The following ATG10 variants were observed in gnomAD, a reference collection of about 807,000 sequenced individuals.
The protein encoded by ATG10 is autophagy related 10, also known as ubiquitin-like-conjugating enzyme ATG10.
Under a neutral mutation model 32.1 loss-of-function variants are expected in ATG10, and 30 were observed. That is an observed-to-expected ratio of 0.94 (90% CI 0.70 to 1.27). The LOEUF is 1.27. ATG10 is among the 50% of genes most tolerant of loss of function. ATG10 has a pLI of 0.00. For synonymous variants in ATG10, 87 were observed against 91.5 expected, an observed-to-expected ratio of 0.95 and a Z score of 0.28; for missense variants, 233 against 262.3, an observed-to-expected ratio of 0.89 and a Z score of 0.77.
rs181172255 is a variant in ATG10, at chr5:82,085,366, C to G, written c.216+26764C>G. ...AGAGACCTACAAAGAGACTTAGACTCCCACACAATAATAATGGGAGACTTT... is the reference window on the plus strand; with the variant it reads ...AGAGACCTACAAAGAGACTTAGACTGCCACACAATAATAATGGGAGACTTT... On this transcript the variant is annotated intron_variant, in intron 3 of 7. Transcript: ENST00000282185. 7.8e-4 allele frequency among the ~76,000 whole-genome samples: 118 copies of G among 152,042 alleles called. 1 individual carries two copies. The East Asian group carries it at 0.022, about 28-fold the overall frequency.
intron 2 of ATG10, among the ~76,000 whole-genome samples, chr5:81,989,360 G>A (rs1338587403): frequency 1.3e-5 from 2 of 152,112 alleles, no homozygotes; most frequent in Non-Finnish European, 2.9e-5. Context: ...TGTCACTGGG[G>A]AAACAAGCCA....
At chr5:82,111,606 A>G (rs1765624303) in intron 3 of ATG10, among the ~76,000 whole-genome samples, 1 of 151,978 alleles carries the variant, frequency 6.6e-6, no homozygotes, top group Admixed American at 6.6e-5. Flanking sequence ...AACATAAGAA[A>G]ATGAATTAAA....
intron 5 of ATG10, among the ~76,000 whole-genome samples, chr5:82,251,327 G>C (rs566547993): frequency 1.3e-5 from 2 of 152,328 alleles, no homozygotes; most frequent in East Asian, 3.9e-4. Context: ...GGTTGGCTGA[G>C]AGAAGAAGCC....
intron 1 of ATG10, among the ~76,000 whole-genome samples, chr5:81,976,027 GTC>G (rs1760863943): frequency 1.3e-5 from 2 of 149,138 alleles, no homozygotes; most frequent in Admixed American, 1.3e-4. Context: ...TTGAGATGGA[GTC>G]TCACTCTGTC....
intron 3 of ATG10, among the ~76,000 whole-genome samples, chr5:82,100,009 T>TG (rs1765210027): frequency 7.8e-6 from 1 of 127,748 alleles, no homozygotes. Flanking sequence ...TGTTTTTTTT[T>TG]TTTTTTTTTT....
intron 6 of ATG10, among the ~76,000 whole-genome samples, chr5:82,252,922 A>G (rs979902007): frequency 6.6e-6 from 1 of 152,198 alleles, no homozygotes; most frequent in Admixed American, 6.5e-5. Context: ...GAGTTAAGCC[A>G]CTCAAACAAG....
At chr5:82,058,367 A>T in intron 2 of ATG10, 128 bp from the exon 3 acceptor site, 1 of 658,836 alleles carries the variant, frequency 1.5e-6, no homozygotes, top group Non-Finnish European at 2.7e-6. Context: ...CTCTTTATCC[A>T]TATAGTCTCA....
Position 81,987,579 on chromosome 5 carries a change from A to G in ATG10, c.9A>G (p.Glu3=). Residue 3 remains glutamate (E), a synonymous_variant, in exon 2 of 8, where the codon GAA becomes GAG. Transcript: ENST00000282185. The stretch of plus-strand genomic sequence containing the variant: ...TGCAGTTATCATTTAACATGGAAGA[A>G]GATGAGTTCATTGGAGAAAAAACAT... ME[E]DEFIGEKTFQ... 6.2e-7 allele frequency: 1 copy of G among 1,606,366 alleles called. No homozygotes were observed. Among genetic ancestry groups the G allele is most frequent in the Non-Finnish European group, 8.5e-7 (1 of 1,175,512 alleles).
At chr5:82,073,281 T>G (rs564926905) in intron 3 of ATG10, 2 of 152,198 alleles carry the variant, frequency 1.3e-5, no homozygotes, top group Non-Finnish European at 2.9e-5. Flanking sequence ...TTTTGTTTTT[T>G]AAAAATGCTG....
At chr5:82,086,442 T>C (rs1764696769) in intron 3 of ATG10, among the ~76,000 whole-genome samples, 1 of 152,136 alleles carries the variant, frequency 6.6e-6, no homozygotes, top group Non-Finnish European at 1.5e-5. Flanking sequence ...GGCACCTCAG[T>C]TGGGATGAGT....
At chr5:82,153,042 A>T (rs1165859119) in intron 3 of ATG10, among the ~76,000 whole-genome samples, 1 of 152,202 alleles carries the variant, frequency 6.6e-6, no homozygotes, top group Admixed American at 6.5e-5. Context: ...ATTCAAAGGG[A>T]TATGTGTGCT....
At chr5:82,253,782 G>A (rs918527370) in intron 7 of ATG10, among the ~76,000 whole-genome samples, 1 of 152,184 alleles carries the variant, frequency 6.6e-6, no homozygotes, top group Admixed American at 6.5e-5. Flanking sequence ...CCTAGGTTGC[G>A]CGCTCCTTAT....
chr5:82,160,119 T>C (rs969346182), intron 3 of ATG10, among the ~76,000 whole-genome samples: 1 of 152,156 alleles, frequency 6.6e-6, no homozygotes, highest in African/African-American at 2.4e-5. Flanking sequence ...TCCACCACCA[T>C]GGTCAAGATA....
Position 82,048,597 on chromosome 5 carries a change from T to C in ATG10, c.109-9898T>C, listed in dbSNP as rs989409069. 1.1e-4 allele frequency among the ~76,000 whole-genome samples: 17 copies of C among 152,168 alleles called. No individual in the cohort carries two copies. In the East Asian group the frequency reaches 1.5e-3, roughly 14 times the overall value. Reference sequence around the variant, plus strand: ...TCTGCACAGCAAAAGAAACTACCATTAGAGTGAACAGGCAACCTACAAAAT... The same window carrying C: ...TCTGCACAGCAAAAGAAACTACCATCAGAGTGAACAGGCAACCTACAAAAT... On this transcript the variant is annotated intron_variant, in intron 2 of 7. Transcript: ENST00000282185.
chr5:82,082,667 C>CT (rs879492803), intron 3 of ATG10, among the ~76,000 whole-genome samples: 78 of 143,852 alleles, frequency 5.4e-4, no homozygotes, highest in African/African-American at 1.4e-3. Flanking sequence ...AGTAATGTTT[C>CT]TTTTTTTTTT....
At chr5:82,109,753 C>G (rs905818119) in intron 3 of ATG10, among the ~76,000 whole-genome samples, 2 of 151,076 alleles carry the variant, frequency 1.3e-5, no homozygotes, top group African/African-American at 4.9e-5. Flanking sequence ...CTTCTTTCCC[C>G]CCATTGATCT....
At chr5:82,129,700 G>GCT in intron 3 of ATG10, among the ~76,000 whole-genome samples, 1 of 152,100 alleles carries the variant, frequency 6.6e-6, no homozygotes, top group Non-Finnish European at 1.5e-5. Context: ...ATTGCTTCCT[G>GCT]TTCCTTCATC....
At chr5:81,993,253 T>A (rs1761512795) in intron 2 of ATG10, among the ~76,000 whole-genome samples, 1 of 152,014 alleles carries the variant, frequency 6.6e-6, no homozygotes, top group Non-Finnish European at 1.5e-5. Flanking sequence ...AGATTAAATG[T>A]TATTTTGCAT....
Position 82,178,518 on chromosome 5 carries a change from A to G in ATG10, c.384A>G (p.Ile128Met). The change falls in exon 5 of 8, where the codon ATA (isoleucine) becomes ATG (methionine). Residue 128 changes from isoleucine to methionine, a missense_variant. Physicochemically the swap from Ile to Met is conservative, Grantham distance 10 (BLOSUM62 1). Transcript: ENST00000282185. Reference protein sequence around the residue: ...LDGRPLTLKDIWEGVHECYKM... With the variant: ...LDGRPLTLKDMWEGVHECYKM... ...GGAGACCTTTAACTCTGAAGGACAT[A>G]TGGGAAGGAGTTCATGAGTGCTATA... 6.2e-7 allele frequency: 1 copy of G among 1,611,850 alleles called. No individual in the cohort carries two copies. Among genetic ancestry groups the G allele is most frequent in the Non-Finnish European group, 8.5e-7 (1 of 1,178,242 alleles).
Sources: allele counts gnomAD v4.1 joint callset (sites outside exome capture counted in the v4.1 genomes callset), GRCh38; gene constraint gnomAD v4.1.1; transcripts MANE v1.5; gene names NCBI Gene and HGNC (gene_info 2026-07-23, HGNC 2026-07-21).